GABRG3: variants seen among roughly 807,000 people sequenced by gnomAD.
GABRG3 encodes gamma-aminobutyric acid receptor subunit gamma-3.
A neutral mutation model predicts 48.8 loss-of-function variants in GABRG3; 25 were observed. The ratio of observed to expected loss-of-function variants is 0.51; its 90% CI spans 0.37 to 0.72. The LOEUF is 0.72. Ranked by LOEUF, GABRG3 falls within the 30% of genes least tolerant of loss-of-function variation. GABRG3 has a pLI of 0.00. For synonymous variants in GABRG3, 227 were observed against 217.6 expected (o/e 1.04, Z -0.38); for missense variants, 394 against 577.9 (o/e 0.68, Z 3.26).
At chr15:27,391,613 G>A (rs1887134055) in intron 5 of GABRG3, among the ~76,000 whole-genome samples, 1 of 152,138 alleles carries the variant, frequency 6.6e-6, no homozygotes. Context: ...GAACATGGGG[G>A]CCTCTGTTTT....
At chr15:27,326,722 A>G in intron 3 of GABRG3, 87 bp from the exon 4 acceptor site, 1 of 1,071,144 alleles carries the variant, frequency 9.3e-7, no homozygotes, top group Non-Finnish European at 1.4e-6. Context: ...GTCAACATGG[A>G]GAGAACACAA....
chr15:27,437,599 T>C (rs1474846200), intron 5 of GABRG3, among the ~76,000 whole-genome samples: 1 of 152,206 alleles, frequency 6.6e-6, no homozygotes, highest in South Asian at 2.1e-4. Flanking sequence ...TAGACATGCA[T>C]TGGAGAAAAC....
intron 3 of GABRG3, among the ~76,000 whole-genome samples, chr15:27,130,108 A>G (rs540213536): frequency 1.3e-5 from 2 of 152,170 alleles, no homozygotes; most frequent in South Asian, 4.1e-4. Context: ...TTCTTGTGTC[A>G]TATTCAAGAA....
At chr15:27,423,491 T>A (rs974002208) in intron 5 of GABRG3, among the ~76,000 whole-genome samples, 1 of 151,616 alleles carries the variant, frequency 6.6e-6, no homozygotes, top group Non-Finnish European at 1.5e-5. Context: ...TTTATTATGA[T>A]CTGTGAGAAT....
intron 5 of GABRG3, among the ~76,000 whole-genome samples, chr15:27,455,813 C>T (rs566836995): frequency 8.7e-6 from 1 of 114,572 alleles, no homozygotes; most frequent in Non-Finnish European, 2.0e-5. Context: ...ATATGTATGC[C>T]GTAGGTGGTT....
chr15:27,461,413 GTCTC>G (rs890082689), intron 5 of GABRG3, among the ~76,000 whole-genome samples: 3 of 152,150 alleles, frequency 2.0e-5, no homozygotes, highest in Non-Finnish European at 4.4e-5. Context: ...TGGGTTCTTG[GTCTC>G]TCTGACTTCA....
chr15:27,271,421 G>A (rs17648940), intron 3 of GABRG3: 30,194 of 386,502 alleles, frequency 0.078, 1,574 homozygotes, highest in Non-Finnish European at 0.11. Context: ...GCGCAAGCTG[G>A]TATGCCAGGT....
intron 3 of GABRG3, among the ~76,000 whole-genome samples, chr15:27,117,963 T>G (rs1415169788): frequency 2.0e-5 from 3 of 152,056 alleles, no homozygotes; most frequent in African/African-American, 7.2e-5. Flanking sequence ...AGACCTAGAT[T>G]TGAACCCAAG....
Position 27,319,255 on chromosome 15 carries a change from T to C in GABRG3, c.271-7554T>C, listed in dbSNP as rs1228917932. Among the ~76,000 whole-genome samples, 1 of 152,208 alleles carries C rather than the reference T, an allele frequency of 6.6e-6. No homozygotes were observed. Among genetic ancestry groups the C allele is most frequent in the Non-Finnish European group, 1.5e-5 (1 of 68,032 alleles). ...TGTCTGAAACCAACAAGGGCTCCAGTGAGCCTCGGTCACTGCTCTCTTGAT... is the reference window on the plus strand; with the variant it reads ...TGTCTGAAACCAACAAGGGCTCCAGCGAGCCTCGGTCACTGCTCTCTTGAT... On this transcript the variant is annotated intron_variant, in intron 3 of 9. Coordinates refer to ENST00000615808, the MANE Select transcript of GABRG3 (RefSeq NM_033223.5). The surrounding 1 kb of genome is among the most constrained non-coding windows in gnomAD (Gnocchi z 4.4).
intron 3 of GABRG3, among the ~76,000 whole-genome samples, chr15:27,036,414 C>T (rs1300394914): frequency 1.3e-5 from 2 of 152,130 alleles, no homozygotes; most frequent in South Asian, 2.1e-4. Flanking sequence ...AGATGCCGGC[C>T]GGGCGCGGTG....
At chr15:27,101,710 GACAAA>G (rs1030362934) in intron 3 of GABRG3, among the ~76,000 whole-genome samples, 5 of 152,008 alleles carry the variant, frequency 3.3e-5, no homozygotes, top group South Asian at 2.1e-4. Context: ...GGCATCCATA[GACAAA>G]ACAAAAACAA....
At chr15:27,446,260 C>T (rs1292213383) in intron 5 of GABRG3, among the ~76,000 whole-genome samples, 5 of 152,138 alleles carry the variant, frequency 3.3e-5, no homozygotes, top group Admixed American at 6.5e-5. Context: ...AATATTAAAT[C>T]TTCTGATCAA....
rs1367867478 is a variant in GABRG3, at chr15:27,537,873, C to G, written c.*4992C>G. On this transcript the variant is annotated 3_prime_UTR_variant, in exon 10 of 10. Coordinates refer to ENST00000615808, the MANE Select transcript of GABRG3 (RefSeq NM_033223.5). The stretch of plus-strand genomic sequence containing the variant: ...ATTTATTTTGAGATGAAGTTTTACT[C>G]TTGTTGCCCAGGCTGGAGTGCAGTG... The G allele has an allele frequency of 6.6e-6, 1 of 150,580 alleles. No individual in the cohort carries two copies. The highest frequency in any genetic ancestry group is 1.5e-5 in the Non-Finnish European group (1 of 67,590). The allele number at this position is 150,580 out of a possible 1,614,324, so 9.3% of individuals were successfully genotyped here. A position where few individuals can be genotyped will look rare whatever the true frequency, so the allele number is the denominator to read the frequency against.
chr15:27,508,726 G>A (rs940260726), intron 6 of GABRG3, among the ~76,000 whole-genome samples: 1 of 151,402 alleles, frequency 6.6e-6, no homozygotes, highest in African/African-American at 2.4e-5. Context: ...TGTTGTTGTT[G>A]TTGTTGAGAT....
Position 26,976,459 on chromosome 15 carries a change from C to T in GABRG3, c.54-543C>T, listed in dbSNP as rs933960283. Among the ~76,000 whole-genome samples the T allele has an allele frequency of 2.6e-5, 4 of 152,324 alleles. No individual in the cohort carries two copies. Among genetic ancestry groups the T allele is most frequent in the Admixed American group, 2.6e-4 (4 of 15,304 alleles). Reference sequence around the variant, plus strand: ...AATCTGAGTGCCGGCAAAGCAGACCCCCTCACAATGCTCAAGTGCCTAGAC... The same window carrying T: ...AATCTGAGTGCCGGCAAAGCAGACCTCCTCACAATGCTCAAGTGCCTAGAC... On this transcript the variant is annotated intron_variant, in intron 1 of 9. Coordinates refer to ENST00000615808, the MANE Select transcript of GABRG3 (RefSeq NM_033223.5). The surrounding 1 kb of genome is among the most constrained non-coding windows in gnomAD (Gnocchi z 7.8).
Position 27,261,701 on chromosome 15 carries a change from C to G in GABRG3, c.271-65108C>G, listed in dbSNP as rs550206884. ...GTAAAAACTATCCCTTTCCTTTCTT[C>G]TTCATATAAACCTTCCCTGGCGTAT... On this transcript the variant is annotated intron_variant, in intron 3 of 9. Transcript: ENST00000615808. Among the ~76,000 whole-genome samples the G allele has an allele frequency of 7.9e-5, 12 of 152,082 alleles. No individual in the cohort carries two copies. The South Asian group carries it at 2.5e-3, about 32-fold the overall frequency.
chr15:27,050,700 A>G (rs376013145), intron 3 of GABRG3, among the ~76,000 whole-genome samples: 5 of 152,118 alleles, frequency 3.3e-5, no homozygotes, highest in African/African-American at 1.2e-4. Context: ...GGATGACAAT[A>G]AGTTATTTTT....
chr15:27,267,358 C>G (rs185139074), intron 3 of GABRG3, among the ~76,000 whole-genome samples: 43 of 152,160 alleles, frequency 2.8e-4, no homozygotes, highest in Admixed American at 7.2e-4. Context: ...CTGCCTGCCT[C>G]AGTCTCCCAA....
chr15:27,126,500 G>C (rs1408728229), intron 3 of GABRG3, among the ~76,000 whole-genome samples: 1 of 152,168 alleles, frequency 6.6e-6, no homozygotes, highest in East Asian at 1.9e-4. Flanking sequence ...CCTGGCTGTG[G>C]CTGTGGCTGC....
Sources: gnomAD v4.1 joint callset for allele counts (sites outside exome capture counted in the v4.1 genomes callset) on GRCh38, gnomAD v4.1.1 for gene constraint, Gnocchi (gnomAD v3.1) non-coding constraint, MANE v1.5 for transcripts, NCBI Gene and HGNC (gene_info 2026-07-23, HGNC 2026-07-21) for gene names.